Variants in ANK2 observed in about 807,000 individuals in gnomAD.
ANK2 encodes the protein ankyrin-2.
In ANK2, 83 loss-of-function variants were observed where a neutral mutation model predicts 360.5. The ratio of observed to expected loss-of-function variants is 0.23; its 90% confidence interval spans 0.19 to 0.28. The LOEUF is 0.28. Among genes scored for constraint, ANK2 ranks in the 10% least tolerant of loss-of-function variants. The pLI is 1.00. For missense variants in ANK2, 4,201 were observed against 4,795.7 expected (o/e 0.88, Z 3.66); for synonymous variants, 1,740 against 1,759.5 (o/e 0.99, Z 0.28).
chr4:112,794,065 G>T, the ANK2 span, among the ~76,000 whole-genome samples: 2 of 152,162 alleles, frequency 1.3e-5, no homozygotes, highest in African/African-American at 4.8e-5. Context: ...TTGGTTTATA[G>T]AGTAACTAAT....
chr4:112,940,326 T>C (rs1366192923), intron 2 of ANK2, among the ~76,000 whole-genome samples: 1 of 152,200 alleles, frequency 6.6e-6, no homozygotes, highest in Non-Finnish European at 1.5e-5. Flanking sequence ...CGTTCTTAAA[T>C]ACTCTTATAA....
intron 7 of ANK2, among the ~76,000 whole-genome samples, chr4:113,240,076 A>C (rs1203753690): frequency 6.6e-6 from 1 of 152,170 alleles, no homozygotes; most frequent in Non-Finnish European, 1.5e-5. Flanking sequence ...AAACAAAAAC[A>C]CTGGTTTCTT....
At chr4:113,073,493 G>T (rs2078611282) in intron 1 of ANK2, among the ~76,000 whole-genome samples, 1 of 152,112 alleles carries the variant, frequency 6.6e-6, no homozygotes, top group African/African-American at 2.4e-5. Flanking sequence ...GGTGGAACTA[G>T]GATGCCAGCC....
intron 2 of ANK2, chr4:112,979,857 G>C (rs1275003850): frequency 6.6e-6 from 1 of 152,182 alleles, no homozygotes; most frequent in East Asian, 1.9e-4. Flanking sequence ...TGGTCCATGG[G>C]GGGCCATGGG....
At chr4:113,019,222 A>G (rs192240871) in intron 2 of ANK2, among the ~76,000 whole-genome samples, 3 of 152,312 alleles carry the variant, frequency 2.0e-5, no homozygotes, top group Admixed American at 6.5e-5. Flanking sequence ...TATTTAATTA[A>G]AAGTTCTTAC....
At chr4:113,001,088 T>A (rs1818253) in intron 2 of ANK2, among the ~76,000 whole-genome samples, 121,504 of 152,020 alleles carry the variant, frequency 0.8, 48,540 homozygotes, top group South Asian at 0.87. Flanking sequence ...TAATCCCAGC[T>A]CTTTGGGAGG....
intron 22 of ANK2, among the ~76,000 whole-genome samples, chr4:113,296,766 T>C (rs148049388): frequency 2.0e-5 from 3 of 152,268 alleles, no homozygotes; most frequent in Non-Finnish European, 2.9e-5. Flanking sequence ...TAGAGACACA[T>C]TTCTGGTGAC....
intron 17 of ANK2, among the ~76,000 whole-genome samples, chr4:113,279,972 G>T (rs140523707): frequency 1.3e-5 from 2 of 151,992 alleles, no homozygotes; most frequent in African/African-American, 4.8e-5. Context: ...ATATCTATGA[G>T]GTGTTTAATA....
intron 22 of ANK2, among the ~76,000 whole-genome samples, chr4:113,296,605 A>T (rs1318689015): frequency 2.0e-5 from 3 of 152,198 alleles, no homozygotes; most frequent in Non-Finnish European, 2.9e-5. Context: ...CTTCTGTAGA[A>T]ACTTCTGAGA....
At chr4:112,757,394 G>A in the ANK2 span, among the ~76,000 whole-genome samples, 4 of 152,046 alleles carry the variant, frequency 2.6e-5, no homozygotes, top group Non-Finnish European at 4.4e-5. Flanking sequence ...GATTACAGGC[G>A]TGAGCCACTG....
chr4:113,006,041 T>C (rs550492607), intron 2 of ANK2, among the ~76,000 whole-genome samples: 1 of 152,292 alleles, frequency 6.6e-6, no homozygotes, highest in Non-Finnish European at 1.5e-5. Flanking sequence ...TAAATAAACC[T>C]TTTTTCCTTT....
chr4:112,716,824 A>T, the ANK2 span, among the ~76,000 whole-genome samples: 3 of 152,204 alleles, frequency 2.0e-5, no homozygotes, highest in Non-Finnish European at 4.4e-5. Context: ...TTATAGATGG[A>T]TATGTGGGAA....
At chr4:113,200,699 G>A (rs2098816801) in intron 4 of ANK2, among the ~76,000 whole-genome samples, 1 of 152,154 alleles carries the variant, frequency 6.6e-6, no homozygotes, top group Non-Finnish European at 1.5e-5. Context: ...TGGTGTATAT[G>A]TACCACATTT....
At chr4:112,811,117 T>G in the ANK2 span, among the ~76,000 whole-genome samples, 11 of 151,836 alleles carry the variant, frequency 7.2e-5, no homozygotes, top group Non-Finnish European at 1.6e-4. Context: ...TTTTGTATTT[T>G]TAGTAGCGAT....
intron 4 of ANK2, among the ~76,000 whole-genome samples, chr4:113,218,314 A>G (rs978066131): frequency 3.3e-5 from 5 of 152,162 alleles, no homozygotes; most frequent in Admixed American, 3.3e-4. Context: ...AAAAAAATGA[A>G]CCTTTTTCTT....
In ANK2 at chr4:113,306,635, T is replaced by C. The variant is rs112046016; in HGVS notation, c.2548+3796T>C. Among the ~76,000 whole-genome samples, 353 of 152,328 alleles carry C rather than the reference T, an allele frequency of 2.3e-3. 5 individuals carry two copies. Among genetic ancestry groups the C allele is most frequent in the African/African-American group, 8.2e-3 (341 of 41,574 alleles). ...AAATCTCTATAATGCTAGGTACATG[T>C]CTCATTTAATCCTTATACCATCCCT... On this transcript the variant is annotated intron_variant, in intron 23 of 45. Transcript: ENST00000357077.
the ANK2 span, among the ~76,000 whole-genome samples, chr4:112,752,385 C>G: frequency 1.1e-4 from 17 of 152,222 alleles, no homozygotes; most frequent in African/African-American, 3.6e-4. Context: ...CTTTCTAGTT[C>G]AGTCCTTTTT....
intron 4 of ANK2, among the ~76,000 whole-genome samples, chr4:113,209,422 C>A (rs2098994775): frequency 6.6e-6 from 1 of 151,888 alleles, no homozygotes; most frequent in Admixed American, 6.5e-5. Context: ...CACAGGACAG[C>A]TTTGCAGGGC....
the ANK2 span, among the ~76,000 whole-genome samples, chr4:112,705,858 G>C: frequency 2.0e-5 from 3 of 152,138 alleles, no homozygotes; most frequent in South Asian, 6.2e-4. Context: ...GCTGGGAAGG[G>C]GCAGCTGCTT....
Sources: allele counts gnomAD v4.1 joint callset (sites outside exome capture counted in the v4.1 genomes callset), GRCh38; gene constraint gnomAD v4.1.1; transcripts MANE v1.5; gene names NCBI Gene and HGNC (gene_info 2026-07-23, HGNC 2026-07-21).